The following JAZF1 variants were observed in gnomAD, a reference collection of about 807,000 sequenced individuals.
JAZF1 encodes the protein JAZF zinc finger 1.
A neutral mutation model predicts 26.4 loss-of-function variants in JAZF1; 8 were observed. That is an observed-to-expected ratio of 0.30 (90% CI 0.18 to 0.55). The LOEUF (loss-of-function observed/expected upper bound fraction) is 0.55. JAZF1 is among the 20% of genes least tolerant of loss of function. JAZF1 has a pLI of 0.94. For missense variants in JAZF1, 199 were observed against 322.0 expected (o/e 0.62, Z 2.92); for synonymous variants, 126 against 122.3 (o/e 1.03, Z -0.20).
At chr7:27,903,088 T>G (rs1166359456) in intron 2 of JAZF1, among the ~76,000 whole-genome samples, 1 of 150,520 alleles carries the variant, frequency 6.6e-6, no homozygotes, top group East Asian at 2.0e-4. Context: ...ACCTTTCACC[T>G]TCTGCCATCT....
chr7:28,050,768 C>T (rs1056899132), intron 1 of JAZF1, among the ~76,000 whole-genome samples: 8 of 152,026 alleles, frequency 5.3e-5, no homozygotes, highest in African/African-American at 1.7e-4. Flanking sequence ...GCTTGTTGAT[C>T]GAGTTATTAA....
chr7:27,847,406 CTAAGAG>C (rs772935659), intron 3 of JAZF1, among the ~76,000 whole-genome samples: 5 of 152,158 alleles, frequency 3.3e-5, no homozygotes, highest in Non-Finnish European at 7.3e-5. Flanking sequence ...CTCCTGTTCT[CTAAGAG>C]TTTTACGGCT....
At chr7:27,834,828 C>A (rs1184305446) in intron 4 of JAZF1, among the ~76,000 whole-genome samples, 1 of 152,222 alleles carries the variant, frequency 6.6e-6, no homozygotes, top group African/African-American at 2.4e-5. Context: ...CTTGTTGAAC[C>A]AGGCAGCCCA....
Position 27,839,186 on chromosome 7 carries a change from CGG to C in JAZF1, c.555+1510_555+1511del, listed in dbSNP as rs148716195. Among the ~76,000 whole-genome samples the C allele has an allele frequency of 3.4e-3, 525 of 152,278 alleles. 3 individuals carry two copies. Among genetic ancestry groups the C allele is most frequent in the African/African-American group, 0.012 (496 of 41,556 alleles). ...AGCTTGTATTTCCTTTGTTTTTTGG[CGG>C]GTCAGCCGAGTACAGGTCATTACTT... On this transcript the variant is annotated intron_variant, in intron 4 of 4. Transcript: ENST00000283928.
chr7:28,055,450 A>G lies in JAZF1; in HGVS notation c.116-63469T>C, dbSNP rs140251595. On this transcript the variant is annotated intron_variant, in intron 1 of 4. Transcript: ENST00000283928. ...CCGTCCTATGAAGATCTCCCAGCCC[A>G]CACTTTGGTGCGTGTGATTTCCTCT... Among the ~76,000 whole-genome samples the G allele has an allele frequency of 2.7e-3, 417 of 152,178 alleles. 2 individuals carry two copies. The highest frequency in any genetic ancestry group is 9.3e-3 in the African/African-American group (385 of 41,518).
At chr7:27,899,623 T>C (rs144722888) in intron 2 of JAZF1, among the ~76,000 whole-genome samples, 107 of 151,936 alleles carry the variant, frequency 7.0e-4, no homozygotes, top group Middle Eastern at 3.4e-3. Context: ...TTTGTAGAGA[T>C]GGGGTCTCTC....
intron 1 of JAZF1, among the ~76,000 whole-genome samples, chr7:28,174,199 T>G (rs559539464): frequency 6.6e-6 from 1 of 152,196 alleles, no homozygotes; most frequent in East Asian, 1.9e-4. Flanking sequence ...TGTCAAGATC[T>G]GAAGGCGGGG....
At chr7:28,132,790 T>A (rs1486891498) in intron 1 of JAZF1, among the ~76,000 whole-genome samples, 1 of 152,188 alleles carries the variant, frequency 6.6e-6, no homozygotes, top group Non-Finnish European at 1.5e-5. Flanking sequence ...TAGCTCTCAA[T>A]GTATAAATAT....
intron 2 of JAZF1, among the ~76,000 whole-genome samples, chr7:27,902,573 G>A (rs191113231): frequency 2.0e-5 from 3 of 152,280 alleles, no homozygotes; most frequent in African/African-American, 4.8e-5. Flanking sequence ...TAGCCTTTCG[G>A]TGCTGCCATT....
At chr7:27,993,663 A>T (rs1320599431) in intron 1 of JAZF1, among the ~76,000 whole-genome samples, 1 of 152,160 alleles carries the variant, frequency 6.6e-6, no homozygotes. Flanking sequence ...GTGCTTAACG[A>T]GGTAAGAAAC....
At chr7:28,041,749 C>G (rs1239825399) in intron 1 of JAZF1, among the ~76,000 whole-genome samples, 1 of 152,134 alleles carries the variant, frequency 6.6e-6, no homozygotes, top group South Asian at 2.1e-4. Context: ...TCAGAGAATT[C>G]CCCTGTACGC....
At chr7:28,012,251 A>T (rs2128370547) in intron 1 of JAZF1, among the ~76,000 whole-genome samples, 1 of 152,332 alleles carries the variant, frequency 6.6e-6, no homozygotes, top group Middle Eastern at 3.4e-3. Context: ...TGAACCATCA[A>T]CACAGCACTA....
At chr7:28,116,634 G>C (rs1269536193) in intron 1 of JAZF1, among the ~76,000 whole-genome samples, 1 of 151,892 alleles carries the variant, frequency 6.6e-6, no homozygotes, top group Non-Finnish European at 1.5e-5. Flanking sequence ...AGCAGAGACG[G>C]GGTTTCACCA....
intron 1 of JAZF1, among the ~76,000 whole-genome samples, chr7:27,992,526 T>G (rs1321372944): frequency 1.3e-5 from 2 of 152,212 alleles, no homozygotes; most frequent in Admixed American, 1.3e-4. Flanking sequence ...GAAATTCTCA[T>G]ACTGGTTCAG....
intron 1 of JAZF1, among the ~76,000 whole-genome samples, chr7:28,012,949 G>A (rs1321835898): frequency 2.6e-5 from 4 of 152,078 alleles, no homozygotes; most frequent in Non-Finnish European, 5.9e-5. Flanking sequence ...CACAACCTAA[G>A]CCTGGGTAAA....
At chr7:28,057,287 A>C (rs1452591225) in intron 1 of JAZF1, among the ~76,000 whole-genome samples, 1 of 152,180 alleles carries the variant, frequency 6.6e-6, no homozygotes, top group African/African-American at 2.4e-5. Flanking sequence ...CTTAACCTCT[A>C]TCTGTATGAG....
chr7:28,014,958 A>G (rs1782859945), intron 1 of JAZF1, among the ~76,000 whole-genome samples: 1 of 152,100 alleles, frequency 6.6e-6, no homozygotes, highest in African/African-American at 2.4e-5. Context: ...GCGGTCCTGG[A>G]GCAGCAGCCC....
In JAZF1 at chr7:28,123,368, CT is replaced by C. The variant is rs554299691; in HGVS notation, c.115+57094del. ...ACCCTCACAGCAGGCCATGCCTTTC[CT>C]TTCCTGCACTTATCAGAGCTGTACT... On this transcript the variant is annotated intron_variant, in intron 1 of 4. Coordinates refer to ENST00000283928, the MANE Select transcript of JAZF1 (RefSeq NM_175061.4). Among the ~76,000 whole-genome samples the C allele has an allele frequency of 7.9e-5, 12 of 152,310 alleles. No individual in the cohort carries two copies. The East Asian group carries it at 2.3e-3, about 29-fold the overall frequency.
At chr7:27,880,262 A>AAGGG (rs1279365251) in intron 3 of JAZF1, among the ~76,000 whole-genome samples, 2 of 152,198 alleles carry the variant, frequency 1.3e-5, no homozygotes, top group African/African-American at 4.8e-5. Context: ...GAAAGCAAAA[A>AAGGG]AGGGAAGGAA....
Sources: gnomAD v4.1 joint callset for allele counts (sites outside exome capture counted in the v4.1 genomes callset) on GRCh38, gnomAD v4.1.1 for gene constraint, MANE v1.5 for transcripts, NCBI Gene and HGNC (gene_info 2026-07-23, HGNC 2026-07-21) for gene names.